Variants in ZNF385D observed in about 807,000 individuals in gnomAD.
ZNF385D encodes zinc finger protein 659.
In ZNF385D, 15 loss-of-function variants were observed where a neutral mutation model predicts 35.8. The observed-to-expected ratio is 0.42, with a 90% CI of 0.28 to 0.64. The LOEUF (loss-of-function observed/expected upper bound fraction) is 0.64, where lower values mean the gene tolerates loss of function less well. ZNF385D is among the 30% of genes least tolerant of loss of function. The probability of loss-of-function intolerance (pLI) is 0.23; values close to 1 mark genes in which losing one functional copy is unlikely to be tolerated. For missense variants in ZNF385D, 474 were observed against 494.6 expected (o/e 0.96, Z 0.39); for synonymous variants, 212 against 186.8 (o/e 1.13, Z -1.10).
intron 2 of ZNF385D, among the ~76,000 whole-genome samples, chr3:22,282,597 A>G (rs1256646452): frequency 2.6e-5 from 4 of 151,928 alleles, no homozygotes; most frequent in Admixed American, 2.6e-4. Flanking sequence ...CTGAGAGAGT[A>G]TTTGCTATAA....
intron 3 of ZNF385D, among the ~76,000 whole-genome samples, chr3:21,930,928 A>G (rs1559765268): frequency 6.6e-6 from 1 of 152,170 alleles, no homozygotes; most frequent in Non-Finnish European, 1.5e-5. Context: ...ATATAACATT[A>G]AAAGCACAAT....
chr3:21,523,340 A>G (rs1708034473), intron 3 of ZNF385D, among the ~76,000 whole-genome samples: 1 of 152,184 alleles, frequency 6.6e-6, no homozygotes, highest in African/African-American at 2.4e-5. Context: ...CCACTTCTCA[A>G]CCCAAAAGAG....
At chr3:21,966,081 AT>A (rs1702897717) in intron 3 of ZNF385D, among the ~76,000 whole-genome samples, 1 of 152,080 alleles carries the variant, frequency 6.6e-6, no homozygotes, top group Non-Finnish European at 1.5e-5. Flanking sequence ...TCTAGAGTAA[AT>A]TTTGCAAATC....
At chr3:21,685,941 T>G (rs1460534963) in intron 1 of ZNF385D, among the ~76,000 whole-genome samples, 1 of 151,842 alleles carries the variant, frequency 6.6e-6, no homozygotes, top group African/African-American at 2.4e-5. Context: ...GGAGAATGGG[T>G]GAACCGGGAA....
At chr3:22,097,476 G>A (rs1160370323) in intron 3 of ZNF385D, among the ~76,000 whole-genome samples, 1 of 151,998 alleles carries the variant, frequency 6.6e-6, no homozygotes, top group Non-Finnish European at 1.5e-5. Flanking sequence ...GGAAGAAATT[G>A]AGAGAAAAGT....
intron 3 of ZNF385D, among the ~76,000 whole-genome samples, chr3:22,162,638 C>T (rs966995387): frequency 7.9e-5 from 12 of 152,278 alleles, no homozygotes; most frequent in East Asian, 1.9e-4. Context: ...CCTTGCACTA[C>T]GCAGTAGGCA....
Position 21,663,130 on chromosome 3 carries a change from C to A in ZNF385D, c.165+1756G>T, listed in dbSNP as rs549471552. Reference sequence around the variant, plus strand: ...ACGCTGCCTTTGCCCATGAAAAAAACCCACAAATCTCTGAATGGTATAACC... The same window carrying A: ...ACGCTGCCTTTGCCCATGAAAAAAAACCACAAATCTCTGAATGGTATAACC... On this transcript the variant is annotated intron_variant, in intron 2 of 7. Transcript: ENST00000281523. Among the ~76,000 whole-genome samples the A allele has an allele frequency of 3.8e-3, 581 of 152,180 alleles. 4 individuals are homozygous for A. The highest frequency in any genetic ancestry group is 6.9e-3 in the Non-Finnish European group (468 of 67,992).
At chr3:21,649,426 A>C (rs2125211051) in intron 2 of ZNF385D, among the ~76,000 whole-genome samples, 1 of 152,286 alleles carries the variant, frequency 6.6e-6, no homozygotes, top group South Asian at 2.1e-4. Context: ...GGATGACATC[A>C]TGAAAATTTG....
intron 1 of ZNF385D, among the ~76,000 whole-genome samples, chr3:21,674,923 GATGGATGGATGC>G (rs2066678546): frequency 6.6e-6 from 1 of 150,572 alleles, no homozygotes; most frequent in Admixed American, 6.6e-5. Flanking sequence ...TGGATGGATG[GATGGATGGATGC>G]ATGGATGGAT....
intron 6 of ZNF385D, 51 bp downstream of exon 6, chr3:21,425,441 T>G: frequency 6.6e-7 from 1 of 1,508,614 alleles, no homozygotes. Flanking sequence ...CACATCCTGC[T>G]TATAAGGCTG....
intron 4 of ZNF385D, among the ~76,000 whole-genome samples, chr3:21,493,933 A>G (rs78660966): frequency 0.033 from 5,047 of 152,284 alleles, 121 homozygotes; most frequent in East Asian, 0.098. Flanking sequence ...CTGTATATTC[A>G]TATTGAAAAA....
rs1246470978 is a variant in ZNF385D at position 22,145,068 on chromosome 3, ATACT to A, written c.325+23745_325+23748del. On this transcript the variant is annotated intron_variant, in intron 3 of 5. Transcript: ENST00000494108. ...CACAATTAGTTATCAGTGATACTAC[ATACT>A]TATCAGCAGTACTCAAAATGTCCTA... Among the ~76,000 whole-genome samples the A allele has an allele frequency of 1.2e-3, 179 of 151,992 alleles. 1 individual carries two copies. The highest frequency in any genetic ancestry group is 4.1e-3 in the African/African-American group (168 of 41,394).
chr3:21,787,997 A>C (rs2071772583), intron 3 of ZNF385D, among the ~76,000 whole-genome samples: 1 of 148,940 alleles, frequency 6.7e-6, no homozygotes, highest in Non-Finnish European at 1.5e-5. Context: ...GAGAGAGAGC[A>C]ATAGTTAATA....
chr3:21,740,845 A>G (rs557656692), intron 1 of ZNF385D, among the ~76,000 whole-genome samples: 3 of 152,268 alleles, frequency 2.0e-5, no homozygotes, highest in African/African-American at 7.2e-5. Flanking sequence ...TGTCCTTCAT[A>G]ATTAACTGAG....
At chr3:22,123,406 T>C (rs896388192) in intron 3 of ZNF385D, among the ~76,000 whole-genome samples, 18 of 152,198 alleles carry the variant, frequency 1.2e-4, no homozygotes, top group African/African-American at 4.3e-4. Context: ...GGTAAGTGTA[T>C]ATATTTATAA....
intron 3 of ZNF385D, among the ~76,000 whole-genome samples, chr3:22,088,547 G>A (rs1057304868): frequency 1.3e-5 from 2 of 152,138 alleles, no homozygotes; most frequent in Non-Finnish European, 2.9e-5. Context: ...ACTTAAAAAT[G>A]CTCTTGTACT....
chr3:22,135,812 C>G (rs1190008098), intron 3 of ZNF385D, among the ~76,000 whole-genome samples: 1 of 152,034 alleles, frequency 6.6e-6, no homozygotes, highest in East Asian at 1.9e-4. Context: ...AGAGAGAGTC[C>G]AGAAATTGAC....
At chr3:22,338,746 G>A (rs1241773520) in intron 2 of ZNF385D, among the ~76,000 whole-genome samples, 2 of 143,600 alleles carry the variant, frequency 1.4e-5, no homozygotes, top group Non-Finnish European at 3.0e-5. Context: ...TGTCACCCAG[G>A]CTGGAGTACA....
At chr3:21,994,635 A>T (rs1425383991) in intron 3 of ZNF385D, among the ~76,000 whole-genome samples, 1 of 152,098 alleles carries the variant, frequency 6.6e-6, no homozygotes, top group Non-Finnish European at 1.5e-5. Context: ...CCTTACATTG[A>T]TATCTGCATA....
Sources: gnomAD v4.1 joint callset for allele counts (sites outside exome capture counted in the v4.1 genomes callset) on GRCh38, gnomAD v4.1.1 for gene constraint, MANE v1.5 for transcripts, NCBI Gene and HGNC (gene_info 2026-07-23, HGNC 2026-07-21) for gene names.